Variants in RNASEH2B observed in about 807,000 individuals in gnomAD.
The protein encoded by RNASEH2B is Aicardi-Goutieres syndrome 2 protein.
RNASEH2B carries 36 observed loss-of-function variants against 45.0 expected under a neutral mutation model. That is an observed-to-expected ratio of 0.80 (90% CI 0.61 to 1.06). The LOEUF is 1.06. Among genes scored for constraint, RNASEH2B ranks in the 50% least tolerant of loss-of-function variants. The pLI, the probability that RNASEH2B is intolerant of heterozygous loss-of-function variation, is 0.00. For synonymous variants in RNASEH2B, 119 were observed against 125.7 expected, an observed-to-expected ratio of 0.95 and a Z score of 0.35; for missense variants, 361 against 360.3, an observed-to-expected ratio of 1.00 and a Z score of -0.02.
At chr13:50,963,868 C>T (rs940992575) in intron 9 of RNASEH2B, among the ~76,000 whole-genome samples, 7 of 152,122 alleles carry the variant, frequency 4.6e-5, no homozygotes, top group African/African-American at 1.7e-4. Flanking sequence ...TGGTACATTG[C>T]ATTTAGCTGC....
At chr13:50,956,900 AT>A (rs377401674), downstream of RNASEH2B, 6,916 of 189,248 alleles carry the variant, frequency 0.037, 14 homozygotes, top group Non-Finnish European at 0.043. Flanking sequence ...TTTTTGGTAA[AT>A]TTTTTTTTTT....
At chr13:50,953,683 T>C (rs182849255) in intron 9 of RNASEH2B, 10 of 586,068 alleles carry the variant, frequency 1.7e-5, no homozygotes, top group East Asian at 1.1e-4. Flanking sequence ...TACCCAATCA[T>C]ATCCACCATC....
intron 9 of RNASEH2B, among the ~76,000 whole-genome samples, chr13:50,969,480 C>A (rs1317646652): frequency 7.1e-6 from 1 of 141,366 alleles, no homozygotes; most frequent in African/African-American, 2.7e-5. Context: ...ACATTGGAGT[C>A]TACACAAGGC....
chr13:50,954,342 A>T, intron 10 of RNASEH2B: 1 of 462,446 alleles, frequency 2.2e-6, no homozygotes, highest in South Asian at 3.5e-5. Context: ...TAATAATTTC[A>T]CCATTCAGCA....
intron 9 of RNASEH2B, chr13:50,952,446 G>A (rs1951988614): frequency 6.6e-6 from 1 of 151,918 alleles, no homozygotes. Context: ...GTGTCATCTA[G>A]GCTGGAGTGC....
intron 4 of RNASEH2B, among the ~76,000 whole-genome samples, chr13:50,933,293 C>G (rs896426270): frequency 6.6e-6 from 1 of 152,206 alleles, no homozygotes; most frequent in African/African-American, 2.4e-5. Flanking sequence ...GGGGATTAAC[C>G]CTGTCTTGGC....
chr13:50,958,398 T>C (rs533668689), downstream of RNASEH2B, among the ~76,000 whole-genome samples: 1 of 152,324 alleles, frequency 6.6e-6, no homozygotes, highest in South Asian at 2.1e-4. Flanking sequence ...ATCAGATAGC[T>C]ATAGGTGTGT....
intron 10 of RNASEH2B, chr13:50,954,320 G>T: frequency 4.1e-6 from 2 of 493,564 alleles, no homozygotes; most frequent in Non-Finnish European, 7.1e-6. Context: ...CAGAAATTAT[G>T]ATGATAAAAA....
intron 9 of RNASEH2B, among the ~76,000 whole-genome samples, chr13:50,963,579 G>A (rs957348858): frequency 6.6e-6 from 1 of 152,048 alleles, no homozygotes; most frequent in African/African-American, 2.4e-5. Context: ...AGTTAAAATA[G>A]CTACTTAAAT....
At chr13:50,947,940 T>C in intron 7 of RNASEH2B, 47 bp from the exon 8 acceptor site, 1 of 1,602,406 alleles carries the variant, frequency 6.2e-7, no homozygotes, top group Non-Finnish European at 8.5e-7. Context: ...ACCACCATAA[T>C]TACTATTTTT....
intron 1 of RNASEH2B, among the ~76,000 whole-genome samples, chr13:50,917,431 TCTAGTTGTAA>T (rs1267682458): frequency 6.6e-6 from 1 of 152,228 alleles, no homozygotes; most frequent in Non-Finnish European, 1.5e-5. Flanking sequence ...AGAATTGGGT[TCTAGTTGTAA>T]CTTGTACTTG....
chr13:50,910,270 G>T (rs542198163), intron 1 of RNASEH2B, 130 bp downstream of exon 1: 1 of 572,922 alleles, frequency 1.7e-6, no homozygotes, highest in Non-Finnish European at 2.7e-6. Flanking sequence ...TTCTCTCTGG[G>T]ACAGCTGGCC....
upstream of RNASEH2B, chr13:50,909,757 C>T (rs1347225812): frequency 7.8e-6 from 2 of 255,340 alleles, no homozygotes; most frequent in African/African-American, 4.5e-5. Context: ...CTCCGCGTCA[C>T]TCGGCGCCCT....
At chr13:50,969,127 A>C (rs1426230889) in intron 9 of RNASEH2B, among the ~76,000 whole-genome samples, 1 of 152,326 alleles carries the variant, frequency 6.6e-6, no homozygotes, top group East Asian at 1.9e-4. Flanking sequence ...GCAGGCAAAA[A>C]TAACCTGCCC....
chr13:50,917,026 C>T (rs1251614771), intron 1 of RNASEH2B, among the ~76,000 whole-genome samples: 1 of 152,158 alleles, frequency 6.6e-6, no homozygotes, highest in Non-Finnish European at 1.5e-5. Context: ...GCAGATCCCC[C>T]CAGTGTCTGC....
At chr13:50,930,539 C>T in intron 3 of RNASEH2B, 144 bp from the exon 4 acceptor site, 1 of 713,686 alleles carries the variant, frequency 1.4e-6, no homozygotes, top group Non-Finnish European at 2.5e-6. Flanking sequence ...ATCACATAGA[C>T]TCTGAGGCCT....
In RNASEH2B at chr13:50,956,537, G is replaced by C. The variant is rs751735556; in HGVS notation, c.*63G>C. The C allele has an allele frequency of 6.5e-7, 1 of 1,547,272 alleles. No individual in the cohort carries two copies. The highest frequency in any genetic ancestry group is 2.4e-5 in the East Asian group (1 of 41,652). On this transcript the variant is annotated 3_prime_UTR_variant, in exon 11 of 11. Transcript: ENST00000336617. ...TTACATGTTTCAGTTTGTCCTTCCT[G>C]ACTGTTAATGACTACCTTTGGTTGG...
rs994824023 is a variant in RNASEH2B at position 50,949,593 on chromosome 13, T to C, written c.741+88T>C. 122 of 1,204,564 alleles carry C rather than the reference T, an allele frequency of 1.0e-4. 1 individual carries two copies. The highest frequency in any genetic ancestry group is 1.0e-3 in the South Asian group (82 of 82,022). The allele number at this position is 1,204,564 out of a possible 1,614,324, so 74.6% of individuals were successfully genotyped here. A position where few individuals can be genotyped will look rare whatever the true frequency, so the allele number is the denominator to read the frequency against. ...GAGTTTAGTTGGTTCTAATATATTT[T>C]AAGGTGTACTAAATCCATTTTGCAT... On this transcript the variant is annotated intron_variant, in intron 9 of 10. Coordinates refer to ENST00000336617, the MANE Select transcript of RNASEH2B (RefSeq NM_024570.4).
At chr13:50,956,297 C>A in intron 10 of RNASEH2B, 61 bp from the exon 11 acceptor site, 1 of 1,336,056 alleles carries the variant, frequency 7.5e-7, no homozygotes. Flanking sequence ...TCTTTGATTT[C>A]CATATATGAT....
Sources: gnomAD v4.1 joint callset for allele counts (sites outside exome capture counted in the v4.1 genomes callset) on GRCh38, gnomAD v4.1.1 for gene constraint, MANE v1.5 for transcripts, NCBI Gene and HGNC (gene_info 2026-07-23, HGNC 2026-07-21) for gene names.